The following WWOX variants were observed in gnomAD, a reference collection of about 807,000 sequenced individuals.
WWOX encodes WW domain-containing oxidoreductase.
In WWOX, 69 loss-of-function variants were observed where a neutral mutation model predicts 46.2. The ratio of observed to expected loss-of-function variants is 1.49; its 90% confidence interval spans 1.23 to 1.82. WWOX has a LOEUF of 1.82. WWOX is among the 40% of genes most tolerant of loss of function. The pLI is 0.00. For missense variants in WWOX, 919 were observed against 542.6 expected (o/e 1.69, Z -6.89); for synonymous variants, 359 against 202.6 (o/e 1.77, Z -6.56).
chr16:78,104,012 AC>A (rs1679565787), intron 1 of WWOX, among the ~76,000 whole-genome samples: 1 of 151,312 alleles, frequency 6.6e-6, no homozygotes, highest in Admixed American at 6.6e-5. Flanking sequence ...CCTTTCTTCT[AC>A]CCCTCTCCCC....
At chr16:78,342,277 A>G (rs1438358431) in intron 5 of WWOX, among the ~76,000 whole-genome samples, 1 of 120,870 alleles carries the variant, frequency 8.3e-6, no homozygotes, top group East Asian at 1.9e-4. Flanking sequence ...ATCTTCATAC[A>G]ACAAACGCTG....
At chr16:79,124,730 T>C (rs2049714040) in intron 8 of WWOX, among the ~76,000 whole-genome samples, 1 of 152,214 alleles carries the variant, frequency 6.6e-6, no homozygotes, top group Non-Finnish European at 1.5e-5. Context: ...GAAACATTTG[T>C]GTCTTAAAGT....
chr16:78,919,072 C>T (rs770868073), intron 8 of WWOX, among the ~76,000 whole-genome samples: 1 of 152,116 alleles, frequency 6.6e-6, no homozygotes, highest in Non-Finnish European at 1.5e-5. Context: ...GGGGCTGTTC[C>T]TGTTCCTCAT....
intron 8 of WWOX, among the ~76,000 whole-genome samples, chr16:78,658,153 A>G (rs2047123667): frequency 1.3e-5 from 2 of 152,156 alleles, no homozygotes; most frequent in East Asian, 1.9e-4. Flanking sequence ...CAAAATACCA[A>G]AAACATTTGT....
chr16:78,888,536 T>C (rs543182813), intron 8 of WWOX, among the ~76,000 whole-genome samples: 1 of 152,314 alleles, frequency 6.6e-6, no homozygotes, highest in Admixed American at 6.5e-5. Context: ...AGCTTCCCTG[T>C]CTTCCAGAAC....
intron 8 of WWOX, among the ~76,000 whole-genome samples, chr16:78,542,370 G>T (rs1465685264): frequency 6.6e-6 from 1 of 152,056 alleles, no homozygotes; most frequent in African/African-American, 2.4e-5. Context: ...AAAATTAGGA[G>T]AGAGAGGCAA....
At chr16:78,993,008 A>ACTATTTAT (rs777050576) in intron 8 of WWOX, among the ~76,000 whole-genome samples, 1 of 151,998 alleles carries the variant, frequency 6.6e-6, no homozygotes, top group Non-Finnish European at 1.5e-5. Context: ...GGAAAACTGG[A>ACTATTTAT]CTATTTATGC....
chr16:78,958,739 G>C (rs1477401688), intron 8 of WWOX, among the ~76,000 whole-genome samples: 1 of 152,184 alleles, frequency 6.6e-6, no homozygotes, highest in Non-Finnish European at 1.5e-5. Context: ...CAATTAGTTT[G>C]ATGAAATATA....
chr16:78,322,162 G>C (rs964748464), intron 5 of WWOX, among the ~76,000 whole-genome samples: 3 of 152,080 alleles, frequency 2.0e-5, no homozygotes, highest in African/African-American at 7.2e-5. Context: ...GATGGTTGGT[G>C]GGGGGAAGAC....
intron 8 of WWOX, among the ~76,000 whole-genome samples, chr16:78,595,024 A>G (rs2151608252): frequency 6.6e-6 from 1 of 152,288 alleles, no homozygotes; most frequent in South Asian, 2.1e-4. Context: ...AGGGAACCAG[A>G]GTGGTTTGGG....
At chr16:78,464,789 T>A (rs2151427296) in intron 8 of WWOX, among the ~76,000 whole-genome samples, 1 of 152,250 alleles carries the variant, frequency 6.6e-6, no homozygotes. Flanking sequence ...AACTCTCTGT[T>A]CTGACCTGGG....
chr16:78,901,015 T>C (rs981301064), intron 8 of WWOX, among the ~76,000 whole-genome samples: 1 of 152,196 alleles, frequency 6.6e-6, no homozygotes, highest in East Asian at 1.9e-4. Flanking sequence ...TCCAAGAACA[T>C]GTTCTACAGA....
At chr16:78,362,108 C>G (rs2081422047) in intron 5 of WWOX, among the ~76,000 whole-genome samples, 1 of 151,896 alleles carries the variant, frequency 6.6e-6, no homozygotes, top group African/African-American at 2.4e-5. Context: ...TTCCTCACTC[C>G]CCACTTTTTA....
chr16:79,005,625 C>G (rs1418549732), intron 8 of WWOX, among the ~76,000 whole-genome samples: 1 of 152,144 alleles, frequency 6.6e-6, no homozygotes, highest in African/African-American at 2.4e-5. Context: ...TCTGTCTTCT[C>G]ACCACCATCT....
intron 6 of WWOX, among the ~76,000 whole-genome samples, chr16:78,421,798 A>C (rs1394245966): frequency 2.0e-5 from 3 of 152,218 alleles, no homozygotes; most frequent in Non-Finnish European, 4.4e-5. Flanking sequence ...ATTATCAATG[A>C]TAAAATACTT....
intron 8 of WWOX, among the ~76,000 whole-genome samples, chr16:79,083,700 G>A (rs976556608): frequency 1.3e-5 from 2 of 152,152 alleles, no homozygotes; most frequent in African/African-American, 4.8e-5. Context: ...ACGGTAAACC[G>A]ATCACTAACA....
chr16:78,725,044 T>C (rs1466135429), intron 8 of WWOX, among the ~76,000 whole-genome samples: 2 of 152,094 alleles, frequency 1.3e-5, no homozygotes, highest in African/African-American at 4.8e-5. Flanking sequence ...ATAATTCCCA[T>C]ATGTTGTGGG....
At chr16:78,542,242 AATG>A (rs2043916490) in intron 8 of WWOX, among the ~76,000 whole-genome samples, 1 of 152,002 alleles carries the variant, frequency 6.6e-6, no homozygotes, top group African/African-American at 2.4e-5. Flanking sequence ...GAACCTACGT[AATG>A]ATCTCCTGGT....
At chr16:78,270,028 A>C (rs1295977906) in intron 5 of WWOX, among the ~76,000 whole-genome samples, 2 of 150,950 alleles carry the variant, frequency 1.3e-5, no homozygotes, top group South Asian at 4.2e-4. Context: ...AGCAGAAATG[A>C]TGTGTATGAT....
Sources: gnomAD v4.1 joint callset for allele counts (sites outside exome capture counted in the v4.1 genomes callset) on GRCh38, gnomAD v4.1.1 for gene constraint, MANE v1.5 for transcripts, NCBI Gene and HGNC (gene_info 2026-07-23, HGNC 2026-07-21) for gene names.